ATXN7L1: variants seen among roughly 807,000 people sequenced by gnomAD.
The protein encoded by ATXN7L1 is ataxin-7-like protein 1.
A neutral mutation model predicts 70.8 loss-of-function variants in ATXN7L1; 15 were observed. The observed-to-expected ratio is 0.21, with a 90% confidence interval of 0.14 to 0.33. The LOEUF is 0.33. Among genes scored for constraint, ATXN7L1 ranks in the 10% least tolerant of loss-of-function variants. The pLI is 1.00. For missense variants in ATXN7L1, 975 were observed against 1,097.1 expected, an observed-to-expected ratio of 0.89 and a Z score of 1.57; for synonymous variants, 440 against 445.1, an observed-to-expected ratio of 0.99 and a Z score of 0.14.
chr7:105,814,188 T>G (rs1370009085), intron 2 of ATXN7L1, among the ~76,000 whole-genome samples: 1 of 152,246 alleles, frequency 6.6e-6, no homozygotes, highest in Non-Finnish European at 1.5e-5. Context: ...ATCCAGTGTT[T>G]TCTCTTACTC....
rs188045340 is a variant in ATXN7L1 at position 105,750,423 on chromosome 7, G to A, written c.355+38181C>T. Among the ~76,000 whole-genome samples, 29 of 151,732 alleles carry A rather than the reference G, an allele frequency of 1.9e-4. No individual in the cohort carries two copies. In the East Asian group the frequency reaches 4.1e-3, roughly 22 times the overall value. ...CTTGAGTAGCTAGGACTACAGGCAC[G>A]TGTCACCACACCTGGCTAATTTTTG... On this transcript the variant is annotated intron_variant, in intron 3 of 11. Transcript: ENST00000419735.
At chr7:105,655,267 C>T (rs963951181) in intron 4 of ATXN7L1, among the ~76,000 whole-genome samples, 5 of 152,184 alleles carry the variant, frequency 3.3e-5, no homozygotes, top group Non-Finnish European at 7.3e-5. Flanking sequence ...GGACACTCTG[C>T]CCCCAGCCGC....
At position 105,612,200 on chromosome 7, in the gene ATXN7L1, C is replaced by T. The variant is rs1175583426; in HGVS notation, c.2473-1597G>A. ...AAAATGCCTGGGTTTAAATCCTAGC[C>T]TAACTACTGCTTCGCTGTGTGATTT... On this transcript the variant is annotated intron_variant, in intron 10 of 11. Coordinates refer to ENST00000419735, the MANE Select transcript of ATXN7L1 (RefSeq NM_020725.2). Among the ~76,000 whole-genome samples the T allele has an allele frequency of 2.0e-5, 3 of 152,332 alleles. No individual in the cohort carries two copies. In the East Asian group the frequency reaches 5.8e-4, roughly 29 times the overall value.
At chr7:105,838,574 G>A (rs1319867271) in intron 2 of ATXN7L1, among the ~76,000 whole-genome samples, 1 of 152,190 alleles carries the variant, frequency 6.6e-6, no homozygotes, top group East Asian at 1.9e-4. Context: ...ATTCCAGCCA[G>A]GAGCAGGGGC....
At chr7:105,865,924 A>G (rs1817400684) in intron 2 of ATXN7L1, among the ~76,000 whole-genome samples, 1 of 152,154 alleles carries the variant, frequency 6.6e-6, no homozygotes, top group Non-Finnish European at 1.5e-5. Flanking sequence ...GAACTTCATT[A>G]TACATGGAAT....
intron 3 of ATXN7L1, among the ~76,000 whole-genome samples, chr7:105,675,524 T>G (rs1370601822): frequency 6.7e-6 from 1 of 149,258 alleles, no homozygotes; most frequent in African/African-American, 2.5e-5. Flanking sequence ...ACTCGGGAGG[T>G]TGAGGTGGGA....
intron 3 of ATXN7L1, among the ~76,000 whole-genome samples, chr7:105,774,353 CTT>C (rs34037396): frequency 5.9e-5 from 8 of 135,356 alleles, no homozygotes; most frequent in Non-Finnish European, 4.7e-5. Flanking sequence ...GCCAGCAACC[CTT>C]TTTTTTTTTT....
At chr7:105,665,506 G>A (rs1802478064) in intron 3 of ATXN7L1, among the ~76,000 whole-genome samples, 1 of 152,174 alleles carries the variant, frequency 6.6e-6, no homozygotes, top group South Asian at 2.1e-4. Context: ...GTATCAAATG[G>A]CATGCTCAAC....
At chr7:105,833,754 T>A (rs868048315) in intron 2 of ATXN7L1, among the ~76,000 whole-genome samples, 1 of 152,200 alleles carries the variant, frequency 6.6e-6, no homozygotes, top group Non-Finnish European at 1.5e-5. Flanking sequence ...GAAAGCATGC[T>A]GATGCCTGAA....
intron 2 of ATXN7L1, among the ~76,000 whole-genome samples, chr7:105,799,925 A>T (rs1281092342): frequency 6.6e-6 from 1 of 152,190 alleles, no homozygotes; most frequent in African/African-American, 2.4e-5. Context: ...TACCGACTGC[A>T]CCAATGCTGC....
intron 2 of ATXN7L1, among the ~76,000 whole-genome samples, chr7:105,871,869 T>C (rs1165050861): frequency 1.3e-5 from 2 of 152,088 alleles, no homozygotes; most frequent in African/African-American, 2.4e-5. Context: ...ATGGAAAGAA[T>C]TGAAAGAAAG....
intron 3 of ATXN7L1, among the ~76,000 whole-genome samples, chr7:105,732,569 C>A (rs758443190): frequency 3.9e-5 from 6 of 152,078 alleles, no homozygotes; most frequent in Non-Finnish European, 7.4e-5. Context: ...CCCCCAAGGC[C>A]CCTCCAGCAC....
rs538033511 is a variant in ATXN7L1 at position 105,781,467 on chromosome 7, G to A, written c.355+7137C>T. Among the ~76,000 whole-genome samples, 92 of 152,086 alleles carry A rather than the reference G, an allele frequency of 6.0e-4. 1 individual carries two copies. Among genetic ancestry groups the A allele is most frequent in the Admixed American group, 3.3e-3 (50 of 15,266 alleles). On this transcript the variant is annotated intron_variant, in intron 3 of 11. Transcript: ENST00000419735. ...TTGTTTTTGTCTTACATACATGCCT[G>A]TGCACACACACAGAGCATCATCCTC... is the stretch of plus-strand genomic sequence containing the variant.
chr7:105,769,961 G>A (rs1801762593), intron 3 of ATXN7L1, among the ~76,000 whole-genome samples: 1 of 152,156 alleles, frequency 6.6e-6, no homozygotes, highest in Non-Finnish European at 1.5e-5. Context: ...CTAACAGCTC[G>A]TGGCATTCGG....
intron 3 of ATXN7L1, among the ~76,000 whole-genome samples, chr7:105,754,866 G>T (rs1799622111): frequency 1.3e-5 from 2 of 152,224 alleles, no homozygotes; most frequent in African/African-American, 4.8e-5. Flanking sequence ...TAAGGTCCCT[G>T]CCCTCATGGG....
intron 3 of ATXN7L1, among the ~76,000 whole-genome samples, chr7:105,747,181 G>A (rs1423536737): frequency 6.6e-6 from 1 of 152,186 alleles, no homozygotes; most frequent in East Asian, 1.9e-4. Context: ...TCACCAGAAA[G>A]ACCAAGGCAG....
intron 3 of ATXN7L1, among the ~76,000 whole-genome samples, chr7:105,688,945 T>C (rs1174116654): frequency 6.6e-6 from 1 of 152,246 alleles, no homozygotes; most frequent in Non-Finnish European, 1.5e-5. Context: ...CTAATTAATG[T>C]ATATGTCATG....
chr7:105,624,344 T>C (rs1471919327), intron 7 of ATXN7L1, 77 bp from the exon 8 acceptor site: 20 of 1,272,648 alleles, frequency 1.6e-5, no homozygotes, highest in Non-Finnish European at 1.9e-5. Context: ...CCCAGTTTAA[T>C]GGTGCTCAGA....
intron 3 of ATXN7L1, among the ~76,000 whole-genome samples, chr7:105,692,677 C>T (rs1448892336): frequency 1.3e-5 from 2 of 151,984 alleles, no homozygotes; most frequent in African/African-American, 2.4e-5. Flanking sequence ...GAACTCCTGA[C>T]CTCAAGCGAT....
Sources: gnomAD v4.1 joint callset for allele counts (sites outside exome capture counted in the v4.1 genomes callset) on GRCh38, gnomAD v4.1.1 for gene constraint, MANE v1.5 for transcripts, NCBI Gene and HGNC (gene_info 2026-07-23, HGNC 2026-07-21) for gene names.